PPP1R42: variants seen among roughly 807,000 people sequenced by gnomAD.
The protein encoded by PPP1R42 is leucine rich repeat containing 67.
Under a neutral mutation model 31.0 loss-of-function variants are expected in PPP1R42, and 34 were observed. That is an observed-to-expected ratio of 1.10 (90% CI 0.83 to 1.46). PPP1R42 has a LOEUF of 1.46. Among genes scored for constraint, PPP1R42 ranks in the 40% most tolerant of loss-of-function variants. The pLI is 0.00. For synonymous variants in PPP1R42, 103 were observed against 109.8 expected (o/e 0.94, Z 0.39); for missense variants, 268 against 303.0 (o/e 0.88, Z 0.86).
intron 4 of PPP1R42, 79 bp from the exon 5 acceptor site, chr8:67,010,910 A>G: frequency 7.4e-7 from 1 of 1,351,856 alleles, no homozygotes; most frequent in Non-Finnish European, 9.9e-7. Context: ...TAATCTTTGA[A>G]AAGTTTAAGC....
rs998500293 is a variant in PPP1R42 at position 66,982,073 on chromosome 8, C to T, written c.778G>A (p.Glu260Lys). ...CTTATGAGTGAATTGCTTGCATCCT[C>T]ATTTTTACTGCTCCTTTTTTTGCTG... ...KISKKRSSKN[E>K]DASNSLIRIS... The change falls in exon 7 of 8, where the codon GAG (glutamate) becomes AAG (lysine). Residue 260 changes from glutamate (E) to lysine (K), a missense_variant. Physicochemically the swap from Glu to Lys is moderately conservative, Grantham distance 56 (BLOSUM62 1). Coordinates refer to ENST00000685739, the MANE Select transcript of PPP1R42 (RefSeq NM_001364910.1). 18 of 1,484,766 alleles carry T rather than the reference C, an allele frequency of 1.2e-5. No homozygotes were observed. The African/African-American group carries it at 2.5e-4, about 21-fold the overall frequency. 92.0% of individuals were successfully genotyped at this position (1,484,766 alleles called of 1,614,324 possible). A position where few individuals can be genotyped will look rare whatever the true frequency, so the allele number is the denominator to read the frequency against.
At chr8:66,971,148 A>C (rs1174117378) in intron 7 of PPP1R42, 1 of 1,479,930 alleles carries the variant, frequency 6.8e-7, no homozygotes, top group African/African-American at 1.4e-5. Flanking sequence ...TACCTGTAGC[A>C]CACAAAGAAA....
At chr8:67,003,928 A>C (rs1815590046) in intron 5 of PPP1R42, among the ~76,000 whole-genome samples, 1 of 152,094 alleles carries the variant, frequency 6.6e-6, no homozygotes, top group Non-Finnish European at 1.5e-5. Context: ...GTCTCTACTA[A>C]AAGTACAAAA....
intron 6 of PPP1R42, 36 bp downstream of exon 6, chr8:66,988,364 C>G: frequency 7.5e-7 from 1 of 1,329,222 alleles, no homozygotes; most frequent in Non-Finnish European, 9.7e-7. Context: ...AACTAGGTGT[C>G]ATTCTCTTAA....
At chr8:67,016,838 CT>C (rs1219712371) in intron 2 of PPP1R42, among the ~76,000 whole-genome samples, 1 of 152,162 alleles carries the variant, frequency 6.6e-6, no homozygotes, top group Non-Finnish European at 1.5e-5. Context: ...AATATGTAGT[CT>C]TTTATCCCTC....
intron 1 of PPP1R42, among the ~76,000 whole-genome samples, chr8:67,027,187 C>T (rs191476693): frequency 8.2e-4 from 125 of 152,234 alleles, no homozygotes; most frequent in Middle Eastern, 6.8e-3. Flanking sequence ...AAGTGTGAGC[C>T]ACCATGCCCA....
chr8:66,979,156 G>A (rs1242417707), intron 7 of PPP1R42, among the ~76,000 whole-genome samples: 3 of 152,072 alleles, frequency 2.0e-5, no homozygotes, highest in African/African-American at 7.2e-5. Flanking sequence ...CATTTCCTCT[G>A]TTTTCTTCTA....
intron 5 of PPP1R42, among the ~76,000 whole-genome samples, chr8:66,991,071 A>G (rs1400629179): frequency 2.6e-5 from 4 of 152,244 alleles, no homozygotes; most frequent in Non-Finnish European, 5.9e-5. Context: ...TGGTCATCAG[A>G]AAACCAATGA....
chr8:67,013,396 C>G (rs1345283185), intron 3 of PPP1R42, among the ~76,000 whole-genome samples: 2 of 151,676 alleles, frequency 1.3e-5, no homozygotes, highest in African/African-American at 2.4e-5. Context: ...TTGATAATAA[C>G]CATTTTTGGG....
intron 5 of PPP1R42, among the ~76,000 whole-genome samples, chr8:67,008,431 A>G (rs779323550): frequency 6.6e-6 from 1 of 152,138 alleles, no homozygotes; most frequent in Non-Finnish European, 1.5e-5. Flanking sequence ...GATTTGGGCC[A>G]TGGCAGTGGC....
intron 1 of PPP1R42, among the ~76,000 whole-genome samples, chr8:67,020,702 T>G (rs113382939): frequency 6.4e-4 from 97 of 152,332 alleles, no homozygotes; most frequent in African/African-American, 2.1e-3. Context: ...TCAATAAACA[T>G]TTGCTATCAT....
At chr8:66,980,215 A>G (rs965094317) in intron 7 of PPP1R42, among the ~76,000 whole-genome samples, 9 of 151,976 alleles carry the variant, frequency 5.9e-5, no homozygotes, top group African/African-American at 2.2e-4. Flanking sequence ...CTACTTAATG[A>G]TTTTCCATAA....
At chr8:66,968,432 G>A (rs937384899) in intron 7 of PPP1R42, 8 of 980,624 alleles carry the variant, frequency 8.2e-6, no homozygotes, top group South Asian at 9.4e-5. Context: ...TGCACCGTAA[G>A]CTTATTTCTA....
intron 7 of PPP1R42, among the ~76,000 whole-genome samples, chr8:66,973,201 T>G (rs896726011): frequency 5.9e-5 from 9 of 152,156 alleles, no homozygotes; most frequent in Non-Finnish European, 1.3e-4. Context: ...AGGTCTGAAA[T>G]GAAGCTTACA....
chr8:67,002,738 G>GT (rs1815536467), intron 5 of PPP1R42, among the ~76,000 whole-genome samples: 2 of 134,014 alleles, frequency 1.5e-5, no homozygotes, highest in African/African-American at 5.6e-5. Context: ...TTTTTTTTCA[G>GT]TGTTTTTTTT....
intron 5 of PPP1R42, among the ~76,000 whole-genome samples, chr8:66,994,630 TACAC>T (rs1237109659): frequency 3.0e-4 from 46 of 152,320 alleles, no homozygotes; most frequent in Non-Finnish European, 5.9e-5. Flanking sequence ...AATTTGTAGA[TACAC>T]ACAAATTGCT....
At chr8:66,985,719 T>C (rs540796764) in intron 6 of PPP1R42, 2 of 1,328,718 alleles carry the variant, frequency 1.5e-6, no homozygotes, top group East Asian at 2.3e-5. Context: ...AAGGAGTCTT[T>C]GGCTGAGGTG....
At chr8:66,984,091 G>A in intron 6 of PPP1R42, 1 of 1,536,696 alleles carries the variant, frequency 6.5e-7, no homozygotes, top group Non-Finnish European at 9.0e-7. Context: ...GAGGACAGAA[G>A]AGACAAAGGC....
intron 7 of PPP1R42, among the ~76,000 whole-genome samples, chr8:66,967,613 GTTCACTTT>G (rs1317103471): frequency 2.0e-5 from 3 of 149,088 alleles, no homozygotes; most frequent in African/African-American, 7.8e-5. Context: ...TGTTATTCGA[GTTCACTTT>G]TTAATTCAAA....
Sources: allele counts gnomAD v4.1 joint callset (sites outside exome capture counted in the v4.1 genomes callset), GRCh38; gene constraint gnomAD v4.1.1; transcripts MANE v1.5; gene names NCBI Gene and HGNC (gene_info 2026-07-23, HGNC 2026-07-21).